The following CDH4 variants were observed in gnomAD, a reference collection of about 807,000 sequenced individuals.
CDH4 encodes the protein cadherin-4.
In CDH4, 33 loss-of-function variants were observed where a neutral mutation model predicts 86.0. The observed-to-expected ratio is 0.38, with a 90% CI of 0.29 to 0.51. The LOEUF (loss-of-function observed/expected upper bound fraction) is 0.51, where lower values mean the gene tolerates loss of function less well. Ranked by LOEUF, CDH4 falls within the 20% of genes least tolerant of loss-of-function variation. The pLI is 0.86. For missense variants in CDH4, 1,114 were observed against 1,307.4 expected, an observed-to-expected ratio of 0.85 and a Z score of 2.28; for synonymous variants, 555 against 549.4, an observed-to-expected ratio of 1.01 and a Z score of -0.14.
chr20:61,691,368 CAT>C lies in CDH4; in HGVS notation c.170-52192_170-52191del, dbSNP rs531394750. Among the ~76,000 whole-genome samples the C allele has an allele frequency of 1.2e-4, 18 of 149,934 alleles. No individual in the cohort carries two copies. In the East Asian group the frequency reaches 3.3e-3, roughly 28 times the overall value. On this transcript the variant is annotated intron_variant, in intron 2 of 15. Coordinates refer to ENST00000614565, the MANE Select transcript of CDH4 (RefSeq NM_001794.5). ...GTGTGTATTTTTGTGTGTGCATGTG[CAT>C]ATGTGTGTGTATTTGTGTGGATGTG...
chr20:61,601,532 T>C (rs1477235104), intron 2 of CDH4, among the ~76,000 whole-genome samples: 1 of 152,138 alleles, frequency 6.6e-6, no homozygotes, highest in East Asian at 1.9e-4. Context: ...GGCCTAACCC[T>C]CGGCCCTGCT....
chr20:61,529,981 G>A (rs887462660), intron 2 of CDH4, among the ~76,000 whole-genome samples: 2 of 152,116 alleles, frequency 1.3e-5, no homozygotes, highest in African/African-American at 4.8e-5. Flanking sequence ...GGGATTACAG[G>A]TGCCTGCCAC....
At chr20:61,746,352 C>T (rs374843269) in intron 3 of CDH4, among the ~76,000 whole-genome samples, 12 of 152,280 alleles carry the variant, frequency 7.9e-5, no homozygotes, top group East Asian at 1.9e-4. Context: ...GGTCCTCCAG[C>T]GCTTTTGTTG....
chr20:61,444,310 T>TGTCTGGGTGTATATCTGTGTGTGTGTC (rs1480511043), intron 2 of CDH4, among the ~76,000 whole-genome samples: 2 of 141,008 alleles, frequency 1.4e-5, no homozygotes, highest in African/African-American at 5.4e-5. Flanking sequence ...TGTGTATGTA[T>TGTCTGGGTGTATATCTGTGTGTGTGTC]TTTTGTGTAT....
chr20:61,444,305 A>ATCTG (rs2085331719), intron 2 of CDH4, among the ~76,000 whole-genome samples: 39 of 2,700 alleles, frequency 0.014, no homozygotes, highest in South Asian at 0.017. Flanking sequence ...TTCTTTGTGT[A>ATCTG]TGTATTTTTG....
intron 2 of CDH4, among the ~76,000 whole-genome samples, chr20:61,387,934 T>C (rs777858813): frequency 1.3e-5 from 2 of 151,822 alleles, no homozygotes; most frequent in Non-Finnish European, 2.9e-5. Context: ...TCTAATGCAG[T>C]TTCATCACAT....
chr20:61,776,831 C>G (rs1474066208), intron 4 of CDH4, among the ~76,000 whole-genome samples: 2 of 152,200 alleles, frequency 1.3e-5, no homozygotes, highest in South Asian at 2.1e-4. Context: ...TGCCACTGGC[C>G]AAAGCCCAGT....
At position 61,565,275 on chromosome 20, in the gene CDH4, T is replaced by TCGG. The variant is rs2086276281; in HGVS notation, c.170-178288_170-178287insCGG. On this transcript the variant is annotated intron_variant, in intron 2 of 15. Transcript: ENST00000614565. Reference sequence around the variant, plus strand: ...CTTGGTGATGGTGGTGGTGGTCCTCTTGGTGATGGGGTGATGGTGGTGGCG... The same window carrying TCGG: ...CTTGGTGATGGTGGTGGTGGTCCTCTCGGTGGTGATGGGGTGATGGTGGTGGCG... Among the ~76,000 whole-genome samples the TCGG allele has an allele frequency of 8.1e-5, 7 of 86,276 alleles. 2 individuals carry two copies. The highest frequency in any genetic ancestry group is 2.2e-4 in the Admixed American group (2 of 8,928). 56.6% of individuals were successfully genotyped at this position (86,276 alleles called of 152,430 possible). A position where few individuals can be genotyped will look rare whatever the true frequency, so the allele number is the denominator to read the frequency against.
chr20:61,519,897 T>C (rs1222018710), intron 2 of CDH4, among the ~76,000 whole-genome samples: 1 of 152,146 alleles, frequency 6.6e-6, no homozygotes, highest in African/African-American at 2.4e-5. Context: ...ACCTGAGACA[T>C]GACTGCCTCG....
rs963788522 is a variant in CDH4 at position 61,383,842 on chromosome 20, C to T, written c.169+128905C>T. Among the ~76,000 whole-genome samples, 64 of 85,386 alleles carry T rather than the reference C, an allele frequency of 7.5e-4. 2 individuals carry two copies. Among genetic ancestry groups the T allele is most frequent in the South Asian group, 1.7e-3 (6 of 3,538 alleles). 56.0% of individuals were successfully genotyped at this position (85,386 alleles called of 152,430 possible). A position where few individuals can be genotyped will look rare whatever the true frequency, so the allele number is the denominator to read the frequency against. ...ATGCGTATATATGAAGATATATATG[C>T]GTATATATGAAGATATATATGCGTA... is the stretch of plus-strand genomic sequence containing the variant. On this transcript the variant is annotated intron_variant, in intron 2 of 15. Coordinates refer to ENST00000614565, the MANE Select transcript of CDH4 (RefSeq NM_001794.5).
intron 2 of CDH4, among the ~76,000 whole-genome samples, chr20:61,671,679 ATGGATGGGTGGGTGGG>A (rs1568746559): frequency 1.3e-5 from 2 of 149,344 alleles, no homozygotes; most frequent in African/African-American, 4.9e-5. Context: ...TGGATGGTGG[ATGGATGGGTGGGTGGG>A]TGGATAGATG....
chr20:61,832,565 G>A (rs1400449361), intron 4 of CDH4, among the ~76,000 whole-genome samples: 1 of 152,170 alleles, frequency 6.6e-6, no homozygotes, highest in Non-Finnish European at 1.5e-5. Flanking sequence ...AGGCGAAGGG[G>A]AAGCAAGGAC....
At chr20:61,362,244 G>C (rs1382977765) in intron 2 of CDH4, among the ~76,000 whole-genome samples, 2 of 152,208 alleles carry the variant, frequency 1.3e-5, no homozygotes, top group Non-Finnish European at 1.5e-5. Flanking sequence ...TTGGCTGTGT[G>C]GGCCTTGGGG....
At chr20:61,557,691 G>T (rs911515061) in intron 2 of CDH4, among the ~76,000 whole-genome samples, 1 of 151,616 alleles carries the variant, frequency 6.6e-6, no homozygotes, top group Non-Finnish European at 1.5e-5. Context: ...TTTGGGATAT[G>T]CTTCGATTTC....
At chr20:61,850,928 C>T (rs1442177693) in intron 5 of CDH4, among the ~76,000 whole-genome samples, 2 of 152,262 alleles carry the variant, frequency 1.3e-5, no homozygotes, top group Admixed American at 1.3e-4. Flanking sequence ...TATCCGCACT[C>T]GCGCTGCTCC....
chr20:61,901,559 C>G (rs1014984505), intron 8 of CDH4, among the ~76,000 whole-genome samples: 4 of 152,264 alleles, frequency 2.6e-5, no homozygotes, highest in African/African-American at 9.6e-5. Flanking sequence ...CTCAGCTGTG[C>G]TAGTTACAGT....
intron 2 of CDH4, among the ~76,000 whole-genome samples, chr20:61,449,140 C>T (rs2085367055): frequency 6.6e-6 from 1 of 152,154 alleles, no homozygotes; most frequent in Admixed American, 6.5e-5. Flanking sequence ...GGTGTTCAGG[C>T]TTCATCTTTG....
chr20:61,843,940 C>T (rs1982303488), intron 4 of CDH4, among the ~76,000 whole-genome samples: 1 of 152,236 alleles, frequency 6.6e-6, no homozygotes, highest in Non-Finnish European at 1.5e-5. Context: ...AAGCGCCACT[C>T]ACCTGTGGTG....
chr20:61,672,533 C>T (rs2087402066), intron 2 of CDH4, among the ~76,000 whole-genome samples: 1 of 152,210 alleles, frequency 6.6e-6, no homozygotes, highest in East Asian at 1.9e-4. Context: ...ACCTCCAGCA[C>T]TGTGCTTGCT....
Sources: gnomAD v4.1 joint callset for allele counts (sites outside exome capture counted in the v4.1 genomes callset) on GRCh38, gnomAD v4.1.1 for gene constraint, MANE v1.5 for transcripts, NCBI Gene and HGNC (gene_info 2026-07-23, HGNC 2026-07-21) for gene names.